Variants in POGLUT1 observed in about 807,000 individuals in gnomAD.
The protein encoded by POGLUT1 is 9630046K23Rik.
Under a neutral mutation model 61.3 loss-of-function variants are expected in POGLUT1, and 32 were observed. The ratio of observed to expected loss-of-function variants is 0.52; its 90% CI spans 0.39 to 0.70. The LOEUF (loss-of-function observed/expected upper bound fraction) is 0.70, where lower values mean the gene tolerates loss of function less well. Among genes scored for constraint, POGLUT1 ranks in the 30% least tolerant of loss-of-function variants. The pLI is 0.00. For missense variants in POGLUT1, 411 were observed against 469.8 expected (o/e 0.87, Z 1.16); for synonymous variants, 158 against 158.2 (o/e 1.00, Z 0.01).
chr3:119,478,436 T>C (rs1444741633), intron 4 of POGLUT1: 4 of 456,572 alleles, frequency 8.8e-6, no homozygotes, highest in Non-Finnish European at 1.8e-5. Flanking sequence ...CCATTGTTTG[T>C]CATGAAACTC....
At chr3:119,471,227 A>G in intron 2 of POGLUT1, 82 bp from the exon 3 acceptor site, 1 of 1,289,504 alleles carries the variant, frequency 7.8e-7, no homozygotes, top group Non-Finnish European at 1.1e-6. Context: ...CTCTAATACG[A>G]AACCTAAATG....
chr3:119,479,586 T>C (rs764818860), intron 4 of POGLUT1, among the ~76,000 whole-genome samples: 5 of 152,184 alleles, frequency 3.3e-5, no homozygotes, highest in Admixed American at 3.3e-4. Flanking sequence ...ACCCATGTGA[T>C]CCACATCAGG....
Position 119,480,195 on chromosome 3 carries a change from AT to A in POGLUT1, c.578+29del, listed in dbSNP as rs1286046155. Reference sequence around the variant, plus strand: ...AAGGTAGGTCCTTTAAAGAGGTTTTATTTTTTCTCTTTCTGGGTTTTCTTGA... The same window carrying A: ...AAGGTAGGTCCTTTAAAGAGGTTTTATTTTTCTCTTTCTGGGTTTTCTTGA... On this transcript the variant is annotated intron_variant, in intron 5 of 10. Coordinates refer to ENST00000295588, the MANE Select transcript of POGLUT1 (RefSeq NM_152305.3). 2.7e-6 allele frequency: 4 copies of A among 1,509,272 alleles called. No homozygotes were observed. In the African/African-American group the frequency reaches 5.7e-5, roughly 22 times the overall value. The allele number at this position is 1,509,272 out of a possible 1,614,324, so 93.5% of individuals were successfully genotyped here.
chr3:119,474,309 AT>A (rs2081510946), intron 3 of POGLUT1, among the ~76,000 whole-genome samples: 2 of 152,214 alleles, frequency 1.3e-5, no homozygotes, highest in African/African-American at 4.8e-5. Flanking sequence ...TCAATTAAAA[AT>A]AAAACCTACA....
At chr3:119,478,136 C>T (rs1049946758) in intron 4 of POGLUT1, 3 of 342,784 alleles carry the variant, frequency 8.8e-6, no homozygotes, top group African/African-American at 6.5e-5. Flanking sequence ...CCTTGGTTCC[C>T]TAGAGACAAG....
At chr3:119,491,595 C>T (rs749583782) in intron 10 of POGLUT1, 21 bp downstream of exon 10, 1 of 1,422,408 alleles carries the variant, frequency 7.0e-7, no homozygotes, top group Admixed American at 1.9e-5. Context: ...TTCATTTTCC[C>T]TTTTCCACTT....
intron 3 of POGLUT1, among the ~76,000 whole-genome samples, chr3:119,476,639 C>A (rs573876499): frequency 1.6e-3 from 242 of 152,270 alleles, no homozygotes; most frequent in African/African-American, 5.6e-3. Flanking sequence ...TAGTGCTGGT[C>A]AGGACCTCAG....
At chr3:119,486,141 T>A (rs2081661234) in intron 6 of POGLUT1, among the ~76,000 whole-genome samples, 1 of 152,208 alleles carries the variant, frequency 6.6e-6, no homozygotes, top group Non-Finnish European at 1.5e-5. Context: ...TACCAACTTC[T>A]CTGATTCTTA....
chr3:119,482,522 T>A (rs1441484329), intron 5 of POGLUT1, among the ~76,000 whole-genome samples: 1 of 152,234 alleles, frequency 6.6e-6, no homozygotes, highest in Non-Finnish European at 1.5e-5. Context: ...CCAGGTAAAC[T>A]AGTAAGCAAT....
rs2081549388 is a variant in POGLUT1 at position 119,477,340 on chromosome 3, G to A, written c.348G>A (p.Leu116=). Residue 116 remains leucine (L), a synonymous_variant, in exon 4 of 11, where the codon TTG becomes TTA. Coordinates refer to ENST00000295588, the MANE Select transcript of POGLUT1 (RefSeq NM_152305.3). The part of the protein sequence containing the change: ...SRCSGVEHFI[L]EVIGRLPDME... ...GTAGTGGTGTTGAGCACTTTATTTTGGAAGTGATCGGGCGTCTCCCTGACA... is the reference window on the plus strand; with the variant it reads ...GTAGTGGTGTTGAGCACTTTATTTTAGAAGTGATCGGGCGTCTCCCTGACA... 1 of 1,614,054 alleles carries A rather than the reference G, an allele frequency of 6.2e-7. No homozygotes were observed. The highest frequency in any genetic ancestry group is 8.5e-7 in the Non-Finnish European group (1 of 1,179,928).
intron 7 of POGLUT1, among the ~76,000 whole-genome samples, chr3:119,487,254 G>A (rs899052809): frequency 1.8e-4 from 28 of 152,252 alleles, no homozygotes; most frequent in Admixed American, 6.5e-4. Context: ...AACAGACATG[G>A]GCAGTTTGTA....
intron 4 of POGLUT1, among the ~76,000 whole-genome samples, chr3:119,478,906 G>A (rs75828930): frequency 3.5e-4 from 6 of 17,300 alleles, no homozygotes; most frequent in South Asian, 2.8e-3. Context: ...AAAAAAAAAG[G>A]GGGGAACATA....
At chr3:119,481,587 C>T (rs1278078352) in intron 5 of POGLUT1, among the ~76,000 whole-genome samples, 1 of 152,172 alleles carries the variant, frequency 6.6e-6, no homozygotes, top group East Asian at 1.9e-4. Flanking sequence ...TGGGTAGAGC[C>T]CTTTGTTAAA....
chr3:119,469,088 G>T lies in POGLUT1; in HGVS notation c.67G>T (p.Gly23Cys). ...LLLFLLPSAQ[G>C]RQKESGSKWK... ...GTTGTTCCTCCTGCCCTCAGCGCAG[G>T]GCCGCCAGAAGGAGTCAGGTGGGCT... The change falls in exon 1 of 11, where the codon GGC (glycine) becomes TGC (cysteine). Residue 23 changes from glycine to cysteine, a missense_variant. Gly to Cys is a radical substitution (Grantham distance 159). Coordinates refer to ENST00000295588, the MANE Select transcript of POGLUT1 (RefSeq NM_152305.3). 1 of 1,607,460 alleles carries T rather than the reference G, an allele frequency of 6.2e-7. No individual in the cohort carries two copies.
At chr3:119,472,227 T>C (rs59411092) in intron 3 of POGLUT1, among the ~76,000 whole-genome samples, 2,201 of 151,670 alleles carry the variant, frequency 0.015, 60 homozygotes, top group African/African-American at 0.051. Context: ...CTCAGATCTT[T>C]ATAAAATTAG....
rs753060209 is a variant in POGLUT1, at chr3:119,486,850, A to T, written c.656A>T (p.Asp219Val). 6.2e-7 allele frequency: 1 copy of T among 1,612,372 alleles called. No individual in the cohort carries two copies. The highest frequency in any genetic ancestry group is 8.5e-7 in the Non-Finnish European group (1 of 1,178,406). ...FRGSRTSPER[D>V]PLILLSRKNP... ...TTTTATAGGACAAGTCCAGAACGAGATCCTCTCATTCTTCTGTCTCGGAAA... is the reference window on the plus strand; with the variant it reads ...TTTTATAGGACAAGTCCAGAACGAGTTCCTCTCATTCTTCTGTCTCGGAAA... The change falls in exon 7 of 11, where the codon GAT becomes GTT. Residue 219 changes from aspartate to valine, a missense_variant. By Grantham distance (152) the Asp-to-Val change is radical. Transcript: ENST00000295588.
At chr3:119,488,842 T>G in intron 7 of POGLUT1, 87 bp from the exon 8 acceptor site, 2 of 695,400 alleles carry the variant, frequency 2.9e-6, no homozygotes, top group South Asian at 1.7e-5. Flanking sequence ...GAGGTAATGT[T>G]GATGAAATGT....
chr3:119,472,423 G>A (rs2081485449), intron 3 of POGLUT1, among the ~76,000 whole-genome samples: 1 of 152,114 alleles, frequency 6.6e-6, no homozygotes, highest in Admixed American at 6.5e-5. Context: ...ATTCTTATAA[G>A]TATATAAACA....
chr3:119,477,225 TCTTA>T (rs2081547870), intron 3 of POGLUT1, 84 bp from the exon 4 acceptor site: 1 of 1,289,072 alleles, frequency 7.8e-7, no homozygotes, highest in African/African-American at 1.5e-5. Context: ...CACTGGCTTG[TCTTA>T]CTTTAAAATG....
Sources: allele counts gnomAD v4.1 joint callset (sites outside exome capture counted in the v4.1 genomes callset), GRCh38; gene constraint gnomAD v4.1.1; transcripts MANE v1.5; gene names NCBI Gene and HGNC (gene_info 2026-07-23, HGNC 2026-07-21).